MPDZ: variants seen among roughly 807,000 people sequenced by gnomAD.
MPDZ encodes multiple PDZ domain crumbs cell polarity complex component.
MPDZ carries 234 observed loss-of-function variants against 239.1 expected under a neutral mutation model. That is an observed-to-expected ratio of 0.98 (90% CI 0.88 to 1.09). The LOEUF (loss-of-function observed/expected upper bound fraction) is 1.09, where lower values mean the gene tolerates loss of function less well. Among genes scored for constraint, MPDZ ranks in the 50% least tolerant of loss-of-function variants. MPDZ has a pLI of 0.00. For synonymous variants in MPDZ, 1,048 were observed against 881.3 expected (o/e 1.19, Z -3.35); for missense variants, 3,175 against 2,510.0 (o/e 1.26, Z -5.66).
chr9:13,180,070 C>A (rs998964748), intron 19 of MPDZ, among the ~76,000 whole-genome samples: 1 of 152,016 alleles, frequency 6.6e-6, no homozygotes, highest in African/African-American at 2.4e-5. Context: ...GGAGAGCCTG[C>A]AATTTTGTCA....
At chr9:13,136,225 T>A (rs1225691025) in intron 30 of MPDZ, 43 bp from the exon 31 acceptor site, 1 of 1,343,960 alleles carries the variant, frequency 7.4e-7, no homozygotes, top group African/African-American at 1.5e-5. Context: ...ATCATGGTAT[T>A]ATTTTCATTC....
intron 45 of MPDZ, 59 bp from the exon 46 acceptor site, chr9:13,109,118 T>G: frequency 8.5e-7 from 1 of 1,170,448 alleles, no homozygotes; most frequent in Admixed American, 4.0e-5. Context: ...TATACATATA[T>G]GTTATGAATT....
rs1168576989 is a variant in MPDZ at position 13,121,628 on chromosome 9, C to T, written c.5231+111G>A. 6.4e-6 allele frequency: 7 copies of T among 1,095,184 alleles called. No individual in the cohort carries two copies. In the East Asian group the frequency reaches 1.4e-4, roughly 23 times the overall value. The allele number at this position is 1,095,184 out of a possible 1,614,324, so 67.8% of individuals were successfully genotyped here. On this transcript the variant is annotated intron_variant, in intron 38 of 46. Coordinates refer to ENST00000319217, the MANE Select transcript of MPDZ (RefSeq NM_001378778.1). ...TAGTGAGGGGGCTAACAACAGCTAC[C>T]TACTGAACACTAGCCACTGATAAAA...
At chr9:13,188,569 G>C (rs1268783239) in intron 17 of MPDZ, among the ~76,000 whole-genome samples, 1 of 151,982 alleles carries the variant, frequency 6.6e-6, no homozygotes, top group Non-Finnish European at 1.5e-5. Flanking sequence ...CAGTAAGTTA[G>C]AAGTTTATTT....
intron 10 of MPDZ, among the ~76,000 whole-genome samples, 181 bp from the exon 11 acceptor site, chr9:13,206,280 T>C (rs142491114): frequency 7.4e-4 from 113 of 152,202 alleles, no homozygotes; most frequent in African/African-American, 2.6e-3. Flanking sequence ...TTAACAGGGA[T>C]GCACTAGAAT....
chr9:13,163,473 A>T (rs1168399874), intron 22 of MPDZ, among the ~76,000 whole-genome samples: 1 of 152,176 alleles, frequency 6.6e-6, no homozygotes, highest in Non-Finnish European at 1.5e-5. Flanking sequence ...GTACTGACTG[A>T]ATGCCTATTA....
chr9:13,112,287 T>C, intron 42 of MPDZ, 141 bp from the exon 43 acceptor site: 1 of 823,036 alleles, frequency 1.2e-6, no homozygotes, highest in East Asian at 2.9e-5. Context: ...AAAACTGCAT[T>C]ACTTTACTTG....
At chr9:13,226,454 C>T (rs561668036) in intron 3 of MPDZ, among the ~76,000 whole-genome samples, 1 of 152,160 alleles carries the variant, frequency 6.6e-6, no homozygotes, top group East Asian at 1.9e-4. Flanking sequence ...CAGTCTGTCC[C>T]TCACCCACTT....
intron 1 of MPDZ, among the ~76,000 whole-genome samples, chr9:13,270,141 A>G (rs906516757): frequency 1.3e-5 from 2 of 152,214 alleles, no homozygotes; most frequent in Non-Finnish European, 2.9e-5. Flanking sequence ...TGCCTCCATT[A>G]ACTGCTTTTT....
At chr9:13,139,399 A>T (rs143670541) in intron 28 of MPDZ, among the ~76,000 whole-genome samples, 1 of 152,198 alleles carries the variant, frequency 6.6e-6, no homozygotes, top group African/African-American at 2.4e-5. Flanking sequence ...GCTGCCTATG[A>T]AAGACTGCTG....
chr9:13,232,331 A>G (rs1413532494), intron 3 of MPDZ, among the ~76,000 whole-genome samples: 3 of 152,180 alleles, frequency 2.0e-5, no homozygotes, highest in Non-Finnish European at 4.4e-5. Context: ...GATATGATTA[A>G]ATTTGTTTAA....
rs891650161 is a variant in MPDZ at position 13,219,713 on chromosome 9, G to A, written c.932C>T (p.Ala311Val). Residue 311 changes from alanine to valine, a missense_variant, in exon 8 of 47, where the codon GCA (alanine) becomes GTA (valine). Ala to Val is a moderately conservative substitution (Grantham distance 64). Coordinates refer to ENST00000319217, the MANE Select transcript of MPDZ (RefSeq NM_001378778.1). ...TGCTACTTGCTCACTGCTCATTCCT[G>A]CTAGATCTGTGTCACCAATCTTTAG... ...HILKIGDTDLAGMSSEQVAQV... is the reference protein window; with the variant it reads ...HILKIGDTDLVGMSSEQVAQV... 5.0e-6 allele frequency: 8 copies of A among 1,612,572 alleles called. No individual in the cohort carries two copies. Among genetic ancestry groups the A allele is most frequent in the Non-Finnish European group, 6.8e-6 (8 of 1,179,208 alleles).
At position 13,140,008 on chromosome 9, in the gene MPDZ, CCT is replaced by C; in HGVS notation, c.3980_3981del (p.Glu1327GlyfsTer2). On this transcript the variant is annotated frameshift_variant, in exon 28 of 47. Transcript: ENST00000319217. LOFTEE classifies it high-confidence loss of function. The part of the protein sequence containing the change: ...ASKISQDVDK[E>X]DEFGYSWKNI... ...TTACTCCAGCTGTAACCAAACTCAT[CCT>C]CTTTGTCCACATCTTGTGAGATTTT... The C allele has an allele frequency of 6.2e-7, 1 of 1,613,520 alleles. No individual in the cohort carries two copies. The highest frequency in any genetic ancestry group is 8.5e-7 in the Non-Finnish European group (1 of 1,179,670).
In MPDZ at chr9:13,106,897, G is replaced by A; in HGVS notation, c.*68C>T. The A allele has an allele frequency of 1.3e-6, 2 of 1,553,788 alleles. No homozygotes were observed. Among genetic ancestry groups the A allele is most frequent in the South Asian group, 1.2e-5 (1 of 85,954 alleles). On this transcript the variant is annotated 3_prime_UTR_variant, in exon 47 of 47. Coordinates refer to ENST00000319217, the MANE Select transcript of MPDZ (RefSeq NM_001378778.1). ...CTGAACACAGCATAAAAATTGTCAG[G>A]ACCAGTGCATTCTCTTTACAGTAGG...
chr9:13,263,714 G>C (rs1173997103), intron 1 of MPDZ, among the ~76,000 whole-genome samples: 2 of 152,168 alleles, frequency 1.3e-5, no homozygotes, highest in African/African-American at 2.4e-5. Context: ...TCTCATCAGA[G>C]AGCAGGAGGG....
intron 3 of MPDZ, among the ~76,000 whole-genome samples, chr9:13,247,091 T>C (rs1191814654): frequency 6.6e-6 from 1 of 152,194 alleles, no homozygotes; most frequent in East Asian, 1.9e-4. Flanking sequence ...TTTATCACCA[T>C]CTGAGCTGTC....
chr9:13,272,035 G>A (rs1454687504), intron 1 of MPDZ, among the ~76,000 whole-genome samples: 1 of 152,098 alleles, frequency 6.6e-6, no homozygotes, highest in African/African-American at 2.4e-5. Context: ...GAAACTTTCG[G>A]GGGTGATGGA....
intron 46 of MPDZ, 88 bp downstream of exon 46, chr9:13,108,848 C>G: frequency 7.3e-7 from 1 of 1,372,932 alleles, no homozygotes; most frequent in Non-Finnish European, 9.9e-7. Flanking sequence ...TTTGGCATTA[C>G]CTCAGGCCAT....
intron 3 of MPDZ, among the ~76,000 whole-genome samples, chr9:13,230,074 A>G (rs1239445982): frequency 6.6e-6 from 1 of 152,182 alleles, no homozygotes; most frequent in Non-Finnish European, 1.5e-5. Context: ...CTGGCAAATA[A>G]GTACATAAAA....
Sources: gnomAD v4.1 joint callset for allele counts (sites outside exome capture counted in the v4.1 genomes callset) on GRCh38, gnomAD v4.1.1 for gene constraint, MANE v1.5 for transcripts, NCBI Gene and HGNC (gene_info 2026-07-23, HGNC 2026-07-21) for gene names.